The following RFC1 variants were observed in gnomAD, a reference collection of about 807,000 sequenced individuals.
The protein encoded by RFC1 is replication factor C subunit 1.
A neutral mutation model predicts 137.4 loss-of-function variants in RFC1; 37 were observed. That is an observed-to-expected ratio of 0.27 (90% CI 0.21 to 0.35). The LOEUF is 0.35. RFC1 is among the 10% of genes least tolerant of loss of function. The probability of loss-of-function intolerance (pLI) is 1.00; values close to 1 mark genes in which losing one functional copy is unlikely to be tolerated. For synonymous variants in RFC1, 429 were observed against 455.7 expected (o/e 0.94, Z 0.75); for missense variants, 1,205 against 1,358.5 (o/e 0.89, Z 1.78).
At chr4:39,365,731 G>C (rs1318623548) in intron 1 of RFC1, among the ~76,000 whole-genome samples, 1 of 152,124 alleles carries the variant, frequency 6.6e-6, no homozygotes, top group Non-Finnish European at 1.5e-5. Context: ...CACCGCTCAG[G>C]TGATCGTTAA....
At chr4:39,324,160 T>TA (rs1739651797) in intron 6 of RFC1, among the ~76,000 whole-genome samples, 1 of 151,638 alleles carries the variant, frequency 6.6e-6, no homozygotes, top group Non-Finnish European at 1.5e-5. Context: ...TGATATTCAA[T>TA]AAAAAACACC....
rs114061886 is a variant in RFC1 at position 39,354,346 on chromosome 4, G to T, written c.4-2870C>A. Among the ~76,000 whole-genome samples the T allele has an allele frequency of 4.2e-3, 642 of 152,252 alleles. 3 individuals carry two copies. The highest frequency in any genetic ancestry group is 0.015 in the African/African-American group (618 of 41,544). ...TTATAGCACGTGACTTCACCTGACT[G>T]TTCCAATTAACATTTGCTGTCCAGT... On this transcript the variant is annotated intron_variant, in intron 1 of 24. Transcript: ENST00000349703.
chr4:39,344,411 C>T (rs1740750030), intron 3 of RFC1, among the ~76,000 whole-genome samples: 1 of 152,066 alleles, frequency 6.6e-6, no homozygotes, highest in African/African-American at 2.4e-5. Context: ...TATTCTAAGG[C>T]ACTATTTTTC....
chr4:39,303,682 G>C (rs1043642814), intron 15 of RFC1, among the ~76,000 whole-genome samples: 1 of 152,212 alleles, frequency 6.6e-6, no homozygotes, highest in Non-Finnish European at 1.5e-5. Flanking sequence ...TCAAACTCCT[G>C]ACCTCAGGTG....
chr4:39,304,627 C>G (rs1385521077), intron 15 of RFC1, among the ~76,000 whole-genome samples, 187 bp downstream of exon 15: 1 of 152,156 alleles, frequency 6.6e-6, no homozygotes, highest in Non-Finnish European at 1.5e-5. Flanking sequence ...TTAGAAACCT[C>G]TAAGACCTAC....
rs17288503 is a variant in RFC1 at position 39,304,742 on chromosome 4, A to G, written c.2110+72T>C. 3.6e-4 allele frequency: 327 copies of G among 912,908 alleles called. 3 individuals carry two copies. The South Asian group carries it at 4.2e-3, about 12-fold the overall frequency. 56.6% of individuals were successfully genotyped at this position (912,908 alleles called of 1,614,324 possible). ...GCTTGGCACACAACCTGTGTTCAATACTGGTTACTGAACATTGAAATGAAC... is the reference window on the plus strand; with the variant it reads ...GCTTGGCACACAACCTGTGTTCAATGCTGGTTACTGAACATTGAAATGAAC... On this transcript the variant is annotated intron_variant, in intron 15 of 24. Coordinates refer to ENST00000349703, the MANE Select transcript of RFC1 (RefSeq NM_002913.5).
At chr4:39,308,068 T>C (rs2109629324) in intron 13 of RFC1, among the ~76,000 whole-genome samples, 1 of 152,304 alleles carries the variant, frequency 6.6e-6, no homozygotes, top group East Asian at 1.9e-4. Context: ...AGCACAGGCC[T>C]ATCGGGCCTG....
intron 10 of RFC1, 144 bp downstream of exon 10, chr4:39,316,771 C>T (rs1235449381): frequency 2.0e-5 from 11 of 557,058 alleles, no homozygotes; most frequent in Middle Eastern, 3.8e-4. Flanking sequence ...ATAAACATCC[C>T]TAATTCTTGA....
Position 39,351,340 on chromosome 4 carries a change from A to C in RFC1, c.132+8T>G. 2 of 1,527,244 alleles carry C rather than the reference A, an allele frequency of 1.3e-6. No homozygotes were observed. Among genetic ancestry groups the C allele is most frequent in the Non-Finnish European group, 1.7e-6 (2 of 1,145,916 alleles). The allele number at this position is 1,527,244 out of a possible 1,614,324, so 94.6% of individuals were successfully genotyped here. On this transcript the variant is annotated splice_region_variant and intron_variant, in intron 2 of 24. Transcript: ENST00000349703. Reference sequence around the variant, plus strand: ...CATTCAATGCAAAATTATACCCAGAAAACTAACCTTGATTTCCTTTATTCC... The same window carrying C: ...CATTCAATGCAAAATTATACCCAGACAACTAACCTTGATTTCCTTTATTCC...
At chr4:39,304,687 T>C in intron 15 of RFC1, 127 bp downstream of exon 15, 1 of 692,408 alleles carries the variant, frequency 1.4e-6, no homozygotes, top group Non-Finnish European at 2.6e-6. Context: ...GCTTTCTTAT[T>C]CTCTTGTTAG....
chr4:39,289,848 C>T lies in RFC1; in HGVS notation c.3360G>A (p.Lys1120=). The change falls in exon 24 of 25, where the codon AAG becomes AAA. Residue 1120 remains lysine (K), a splice_region_variant and synonymous_variant. Transcript: ENST00000349703. ...TCCTGTCTGTGGCTTAAAATACTAC[C>T]TTGATCATGGCATCAGTTTCTATAG... The part of the protein sequence containing the change: ...QDAIETDAMI[K]KKTKSSKPSK... 1.2e-6 allele frequency: 2 copies of T among 1,606,004 alleles called. No individual in the cohort carries two copies. The highest frequency in any genetic ancestry group is 8.5e-7 in the Non-Finnish European group (1 of 1,172,648).
intron 1 of RFC1, among the ~76,000 whole-genome samples, chr4:39,353,389 G>A (rs1741304757): frequency 1.3e-5 from 1 of 76,692 alleles, no homozygotes. Context: ...GACAGAACGA[G>A]ACTGTCTCAA....
chr4:39,302,302 G>C lies in RFC1; in HGVS notation c.2511C>G (p.His837Gln). ...CCATTTTGATATCCTTTTTGGCTCT[G>C]TGAGAATCAGCTTTGGCCTGGTCAT... ...LTYDQAKADS[H>Q]RAKKDIKMGP... The change falls in exon 19 of 25, where the codon CAC (histidine) becomes CAG (glutamine). Residue 837 changes from histidine to glutamine, a missense_variant. His to Gln is a conservative substitution (Grantham distance 24). Coordinates refer to ENST00000349703, the MANE Select transcript of RFC1 (RefSeq NM_002913.5). 6.2e-7 allele frequency: 1 copy of C among 1,611,410 alleles called. No homozygotes were observed. The highest frequency in any genetic ancestry group is 8.5e-7 in the Non-Finnish European group (1 of 1,177,598).
intron 21 of RFC1, among the ~76,000 whole-genome samples, chr4:39,298,796 A>T (rs983428468): frequency 1.3e-5 from 2 of 152,256 alleles, no homozygotes; most frequent in East Asian, 3.8e-4. Flanking sequence ...GTCCATTTAC[A>T]TTAAAAATTT....
intron 4 of RFC1, among the ~76,000 whole-genome samples, chr4:39,330,989 C>T (rs1477582321): frequency 6.6e-6 from 1 of 152,074 alleles, no homozygotes; most frequent in Non-Finnish European, 1.5e-5. Context: ...GGGAAAAAGG[C>T]TTTGCAAAAG....
At chr4:39,289,008 A>G (rs947488062) in intron 24 of RFC1, among the ~76,000 whole-genome samples, 164 bp from the exon 25 acceptor site, 1 of 151,760 alleles carries the variant, frequency 6.6e-6, no homozygotes, top group Admixed American at 6.6e-5. Flanking sequence ...AAGCGCTTAC[A>G]GCAACAACTG....
intron 4 of RFC1, among the ~76,000 whole-genome samples, chr4:39,328,521 G>A (rs969057568): frequency 1.3e-5 from 2 of 152,110 alleles, no homozygotes; most frequent in African/African-American, 2.4e-5. Context: ...ACATTTTAAC[G>A]GAGGCCTGAA....
chr4:39,365,331 T>G, intron 1 of RFC1: 55 of 259,980 alleles, frequency 2.1e-4, no homozygotes, highest in Non-Finnish European at 3.1e-4. Flanking sequence ...CCCCAGAATG[T>G]TGTCACTGTG....
At chr4:39,312,719 G>C in intron 11 of RFC1, 33 bp downstream of exon 11, 1 of 1,580,432 alleles carries the variant, frequency 6.3e-7, no homozygotes, top group Non-Finnish European at 8.6e-7. Context: ...CAGGCAGGAG[G>C]TGTCATGGTG....
Sources: gnomAD v4.1 joint callset for allele counts (sites outside exome capture counted in the v4.1 genomes callset) on GRCh38, gnomAD v4.1.1 for gene constraint, MANE v1.5 for transcripts, NCBI Gene and HGNC (gene_info 2026-07-23, HGNC 2026-07-21) for gene names.